ZBBX: variants seen among roughly 807,000 people sequenced by gnomAD.
The protein encoded by ZBBX is zinc finger B-box domain containing, also known as zinc finger B-box domain-containing protein 1.
A neutral mutation model predicts 108.5 loss-of-function variants in ZBBX; 101 were observed. The observed-to-expected ratio is 0.93, with a 90% CI of 0.79 to 1.10. ZBBX has a LOEUF of 1.10. ZBBX is among the 50% of genes least tolerant of loss of function. The pLI, the probability that ZBBX is intolerant of heterozygous loss-of-function variation, is 0.00. For synonymous variants in ZBBX, 356 were observed against 323.4 expected (o/e 1.10, Z -1.08); for missense variants, 1,009 against 941.4 (o/e 1.07, Z -0.94).
chr3:167,351,753 C>T (rs982810090), intron 8 of ZBBX, among the ~76,000 whole-genome samples: 2 of 152,166 alleles, frequency 1.3e-5, no homozygotes, highest in Non-Finnish European at 2.9e-5. Context: ...CTGAGTCCTG[C>T]CCAGAGACCA....
At position 167,314,079 on chromosome 3, in the gene ZBBX, A is replaced by G; in HGVS notation, c.1312T>C (p.Tyr438His). The G allele has an allele frequency of 6.2e-7, 1 of 1,603,544 alleles. No homozygotes were observed. Among genetic ancestry groups the G allele is most frequent in the African/African-American group, 1.3e-5 (1 of 74,628 alleles). ...FHDCQKNSFP[Y>H]ENGIHQHHVF... is the part of the protein sequence containing the mutation. Reference sequence around the variant, plus strand: ...TGATGTTGATGGATGCCATTTTCATATGGAAAGCTATTCTTCTGACAATCA... The same window carrying G: ...TGATGTTGATGGATGCCATTTTCATGTGGAAAGCTATTCTTCTGACAATCA... The change falls in exon 16 of 22, where the codon TAT becomes CAT. Residue 438 changes from tyrosine to histidine, a missense_variant. Tyr to His is a moderately conservative substitution (Grantham distance 83). Transcript: ENST00000675490.
chr3:167,309,827 A>G (rs1436678593), intron 16 of ZBBX, among the ~76,000 whole-genome samples: 1 of 152,202 alleles, frequency 6.6e-6, no homozygotes, highest in Admixed American at 6.5e-5. Flanking sequence ...CTCTTTATTT[A>G]TACAAATTTC....
chr3:167,192,127 G>A, the ZBBX span, among the ~76,000 whole-genome samples: 1 of 151,686 alleles, frequency 6.6e-6, no homozygotes, highest in African/African-American at 2.4e-5. Context: ...CATACTTTTA[G>A]TTATGAGTGG....
chr3:167,366,923 T>C (rs1347173221), intron 5 of ZBBX: 1 of 456,018 alleles, frequency 2.2e-6, no homozygotes, highest in East Asian at 7.0e-5. Context: ...AACTTTGTCA[T>C]CCTGGATGAC....
At chr3:167,196,123 A>G in the ZBBX span, among the ~76,000 whole-genome samples, 1 of 152,118 alleles carries the variant, frequency 6.6e-6, no homozygotes, top group African/African-American at 2.4e-5. Context: ...TTGCCTCCCC[A>G]CAACCCATTT....
At chr3:167,287,663 T>A (rs1385190790) in intron 19 of ZBBX, among the ~76,000 whole-genome samples, 1 of 152,144 alleles carries the variant, frequency 6.6e-6, no homozygotes, top group Non-Finnish European at 1.5e-5. Context: ...AATAAATTTC[T>A]CATAGCACGT....
intron 17 of ZBBX, among the ~76,000 whole-genome samples, chr3:167,303,776 G>T (rs948884032): frequency 2.0e-5 from 3 of 152,060 alleles, no homozygotes; most frequent in African/African-American, 4.8e-5. Context: ...ATTGCTCTTT[G>T]GAGATAATTA....
intron 9 of ZBBX, among the ~76,000 whole-genome samples, chr3:167,345,357 T>C (rs1470261458): frequency 6.6e-6 from 1 of 151,932 alleles, no homozygotes; most frequent in Non-Finnish European, 1.5e-5. Context: ...TTGAAGGGAA[T>C]GAACATGCAC....
At chr3:167,203,955 T>C in the ZBBX span, among the ~76,000 whole-genome samples, 2,031 of 152,220 alleles carry the variant, frequency 0.013, 21 homozygotes, top group South Asian at 0.026. Flanking sequence ...ATCTCTAGCA[T>C]AATGCTGTCA....
At chr3:167,320,025 C>T (rs1021697242) in intron 12 of ZBBX, among the ~76,000 whole-genome samples, 6 of 149,560 alleles carry the variant, frequency 4.0e-5, no homozygotes, top group African/African-American at 1.2e-4. Flanking sequence ...TGTGCACGCA[C>T]GTGTGTGTGT....
rs1241384318 is a variant in ZBBX, at chr3:167,282,323, C to A, written c.2169G>T (p.Gln723His). ...TAGTGTCATCTAAGGAAAGCTCATT[C>A]TGGTCAGTAATATCAATATATTCAA... ...SEIEYIDITDQNELSLDDTTD... is the reference protein window; with the variant it reads ...SEIEYIDITDHNELSLDDTTD... The change falls in exon 20 of 22, where the codon CAG (glutamine) becomes CAT (histidine). Residue 723 changes from glutamine (Q) to histidine (H), a missense_variant. Physicochemically the swap from Gln to His is conservative, Grantham distance 24. Transcript: ENST00000675490. 6.2e-7 allele frequency: 1 copy of A among 1,613,886 alleles called. No individual in the cohort carries two copies. The highest frequency in any genetic ancestry group is 1.3e-5 in the African/African-American group (1 of 74,894).
chr3:167,294,713 A>C (rs1731318991), intron 18 of ZBBX, among the ~76,000 whole-genome samples: 1 of 152,220 alleles, frequency 6.6e-6, no homozygotes, highest in Non-Finnish European at 1.5e-5. Context: ...ATTAAACTAA[A>C]GGGCTTCTGC....
rs145860763 is a variant in ZBBX, at chr3:167,249,773, G to A, written c.2255-7130C>T. ...AGAAGCAGGCTGCTCTGTCAGCAGCGGAGAGATTTGGGGATAAGCTTTCTT... is the reference window on the plus strand; with the variant it reads ...AGAAGCAGGCTGCTCTGTCAGCAGCAGAGAGATTTGGGGATAAGCTTTCTT... On this transcript the variant is annotated intron_variant, in intron 20 of 21. Coordinates refer to ENST00000675490, the MANE Select transcript of ZBBX (RefSeq NM_001199201.2). Among the ~76,000 whole-genome samples the A allele has an allele frequency of 5.3e-5, 8 of 152,130 alleles. No individual in the cohort carries two copies. In the South Asian group the frequency reaches 6.2e-4, roughly 12 times the overall value.
chr3:167,235,527 A>AATAT (rs61547127), downstream of ZBBX, among the ~76,000 whole-genome samples: 5 of 149,418 alleles, frequency 3.3e-5, no homozygotes, highest in African/African-American at 1.2e-4. Context: ...TAAAAATGTG[A>AATAT]ATATATATAT....
At chr3:167,386,350 C>G (rs1458405826) in intron 1 of ZBBX, among the ~76,000 whole-genome samples, 1 of 151,940 alleles carries the variant, frequency 6.6e-6, no homozygotes, top group Admixed American at 6.6e-5. Flanking sequence ...TTGTGCAGAA[C>G]AGAGAACCCT....
rs117255024 is a variant in ZBBX, at chr3:167,271,674, C to T, written c.2254+10564G>A. The stretch of plus-strand genomic sequence containing the variant: ...ATACCTTGGCCAAACAAGTCATGGA[C>T]AGTTGCTTAATATGTAAAAAAAACC... On this transcript the variant is annotated intron_variant, in intron 20 of 21. Transcript: ENST00000675490. 3.9e-4 allele frequency among the ~76,000 whole-genome samples: 59 copies of T among 152,188 alleles called. No individual in the cohort carries two copies. In the East Asian group the frequency reaches 0.01, roughly 27 times the overall value.
chr3:167,205,862 G>A, the ZBBX span, among the ~76,000 whole-genome samples: 17 of 151,974 alleles, frequency 1.1e-4, no homozygotes, highest in South Asian at 2.1e-4. Flanking sequence ...TTACTTTCTG[G>A]TAGTTAGATT....
At position 167,331,588 on chromosome 3, in the gene ZBBX, G is replaced by C. The variant is rs1414767294; in HGVS notation, c.687+2239C>G. 3 of 985,246 alleles carry C rather than the reference G, an allele frequency of 3.0e-6. No individual in the cohort carries two copies. The South Asian group carries it at 1.4e-4, about 46-fold the overall frequency. The allele number at this position is 985,246 out of a possible 1,614,324, so 61.0% of individuals were successfully genotyped here. A position where few individuals can be genotyped will look rare whatever the true frequency, so the allele number is the denominator to read the frequency against. ...ACCTGGCTTCCACATAGCTGTGGCA[G>C]GGTAGAAAAAGCTGGAGGGTTGTAC... On this transcript the variant is annotated intron_variant, in intron 10 of 21. Coordinates refer to ENST00000675490, the MANE Select transcript of ZBBX (RefSeq NM_001199201.2).
rs983600859 is a variant in ZBBX at position 167,314,069 on chromosome 3, C to T, written c.1322G>A (p.Gly441Asp). The T allele has an allele frequency of 6.2e-7, 1 of 1,604,294 alleles. No homozygotes were observed. Among genetic ancestry groups the T allele is most frequent in the African/African-American group, 1.3e-5 (1 of 74,504 alleles). The change falls in exon 16 of 22, where the codon GGC (glycine) becomes GAC (aspartate). Residue 441 changes from glycine to aspartate, a missense_variant. Physicochemically the swap from Gly to Asp is moderately conservative, Grantham distance 94 (BLOSUM62 -1). Coordinates refer to ENST00000675490, the MANE Select transcript of ZBBX (RefSeq NM_001199201.2). ...CQKNSFPYEN[G>D]IHQHHVFDKG... ...ATCGAAAACATGATGTTGATGGATG[C>T]CATTTTCATATGGAAAGCTATTCTT...
Sources: gnomAD v4.1 joint callset for allele counts (sites outside exome capture counted in the v4.1 genomes callset) on GRCh38, gnomAD v4.1.1 for gene constraint, MANE v1.5 for transcripts, NCBI Gene and HGNC (gene_info 2026-07-23, HGNC 2026-07-21) for gene names.